Variants in NFIB observed in about 807,000 individuals in gnomAD.
NFIB encodes the protein nuclear factor 1 B-type.
A neutral mutation model predicts 61.5 loss-of-function variants in NFIB; 11 were observed. That is an observed-to-expected ratio of 0.18 (90% confidence interval 0.11 to 0.30). The LOEUF (loss-of-function observed/expected upper bound fraction) is 0.30, where lower values mean the gene tolerates loss of function less well. Among genes scored for constraint, NFIB ranks in the 10% least tolerant of loss-of-function variants. The pLI is 1.00. For synonymous variants in NFIB, 260 were observed against 216.5 expected (o/e 1.20, Z -1.76); for missense variants, 471 against 608.9 (o/e 0.77, Z 2.38).
intron 1 of NFIB, among the ~76,000 whole-genome samples, chr9:14,346,034 C>T (rs2061013395): frequency 6.6e-6 from 1 of 152,142 alleles, no homozygotes. Flanking sequence ...TGGGAGGCCT[C>T]GCCTGTGGGC....
intron 2 of NFIB, among the ~76,000 whole-genome samples, chr9:14,288,985 G>A (rs997675653): frequency 2.0e-5 from 3 of 150,614 alleles, no homozygotes; most frequent in Non-Finnish European, 4.4e-5. Context: ...TGATACATAC[G>A]GAATCATATT....
chr9:14,383,819 A>G (rs1412956022), intron 1 of NFIB, among the ~76,000 whole-genome samples: 1 of 152,254 alleles, frequency 6.6e-6, no homozygotes, highest in African/African-American at 2.4e-5. Flanking sequence ...AGGGGAGCCC[A>G]TTACAATTTA....
At chr9:14,466,039 G>A in the NFIB span, among the ~76,000 whole-genome samples, 1 of 152,130 alleles carries the variant, frequency 6.6e-6, no homozygotes, top group Non-Finnish European at 1.5e-5. Flanking sequence ...GTCACCAGCT[G>A]TATTTGTCTC....
intron 3 of NFIB, among the ~76,000 whole-genome samples, chr9:14,167,083 C>CGG (rs71491636): frequency 0.046 from 4,757 of 104,304 alleles, 449 homozygotes; most frequent in East Asian, 0.082. Flanking sequence ...GTGTGTGTGT[C>CGG]GGGGGGGGGG....
chr9:14,322,720 C>A (rs1318237460), intron 1 of NFIB, among the ~76,000 whole-genome samples: 1 of 151,860 alleles, frequency 6.6e-6, no homozygotes, highest in South Asian at 2.1e-4. Context: ...GCCCGGGACC[C>A]GGGAGGCGGG....
the NFIB span, among the ~76,000 whole-genome samples, chr9:14,488,457 G>A: frequency 6.6e-6 from 1 of 152,140 alleles, no homozygotes; most frequent in African/African-American, 2.4e-5. Context: ...GCCTGGGATG[G>A]GCACTACAAA....
intron 2 of NFIB, among the ~76,000 whole-genome samples, chr9:14,214,383 T>TA (rs1439652728): frequency 2.0e-5 from 3 of 152,248 alleles, no homozygotes; most frequent in African/African-American, 7.2e-5. Context: ...TTGAAACTCT[T>TA]AATTTTTGAA....
chr9:14,131,246 G>GA (rs1223417288), intron 6 of NFIB, among the ~76,000 whole-genome samples: 3 of 152,110 alleles, frequency 2.0e-5, no homozygotes, highest in Admixed American at 6.6e-5. Context: ...CACCATGTAA[G>GA]AAAAAAGTTC....
chr9:14,116,802 C>A (rs2038214715), intron 8 of NFIB, among the ~76,000 whole-genome samples: 1 of 152,190 alleles, frequency 6.6e-6, no homozygotes. Context: ...GATGATATCA[C>A]TGAAACAAAG....
chr9:14,442,107 A>G, the NFIB span, among the ~76,000 whole-genome samples: 1 of 152,148 alleles, frequency 6.6e-6, no homozygotes, highest in Non-Finnish European at 1.5e-5. Context: ...TCAGGATCAC[A>G]CAGGCAGAGC....
intron 2 of NFIB, among the ~76,000 whole-genome samples, chr9:14,184,216 T>C (rs1370968269): frequency 6.6e-6 from 1 of 152,216 alleles, no homozygotes; most frequent in African/African-American, 2.4e-5. Flanking sequence ...TTATGTTCTC[T>C]ATATGGACAG....
At chr9:14,100,113 T>C (rs2035513891) in intron 10 of NFIB, among the ~76,000 whole-genome samples, 1 of 152,132 alleles carries the variant, frequency 6.6e-6, no homozygotes, top group African/African-American at 2.4e-5. Context: ...AGATACCTTT[T>C]AAAGAGCTTT....
At chr9:14,397,317 T>C (rs2061696791) in intron 1 of NFIB, among the ~76,000 whole-genome samples, 1 of 152,086 alleles carries the variant, frequency 6.6e-6, no homozygotes, top group Non-Finnish European at 1.5e-5. Flanking sequence ...CAGGTAAATA[T>C]GCAAAGATAA....
chr9:14,387,777 C>T (rs777279586), intron 1 of NFIB, among the ~76,000 whole-genome samples: 3 of 152,110 alleles, frequency 2.0e-5, no homozygotes, highest in East Asian at 1.9e-4. Context: ...GCTTACTCTA[C>T]GACACAGGAT....
At chr9:14,273,683 A>C (rs1243403762) in intron 2 of NFIB, among the ~76,000 whole-genome samples, 2 of 152,210 alleles carry the variant, frequency 1.3e-5, no homozygotes, top group Non-Finnish European at 2.9e-5. Context: ...TGCCAGAAAG[A>C]GGGCTACATA....
chr9:14,326,336 A>C (rs2060751579), intron 1 of NFIB, among the ~76,000 whole-genome samples: 1 of 152,222 alleles, frequency 6.6e-6, no homozygotes, highest in Non-Finnish European at 1.5e-5. Flanking sequence ...AAAAGACTTC[A>C]AGAAATTACA....
intron 4 of NFIB, among the ~76,000 whole-genome samples, chr9:14,150,904 T>C (rs1252071939): frequency 6.6e-6 from 1 of 152,152 alleles, no homozygotes; most frequent in Non-Finnish European, 1.5e-5. Context: ...TATTATGCAT[T>C]GTATGTCTTT....
chr9:14,228,887 T>A (rs1225530415), intron 2 of NFIB, among the ~76,000 whole-genome samples: 2 of 152,220 alleles, frequency 1.3e-5, no homozygotes, highest in Non-Finnish European at 2.9e-5. Flanking sequence ...TGGGGACACA[T>A]AAAAAGATCT....
intron 1 of NFIB, among the ~76,000 whole-genome samples, chr9:14,378,828 C>T (rs1189131767): frequency 1.3e-5 from 2 of 152,164 alleles, no homozygotes; most frequent in African/African-American, 4.8e-5. Flanking sequence ...TGCCCACCCT[C>T]CGGCCCTACA....
Sources: allele counts gnomAD v4.1 joint callset (sites outside exome capture counted in the v4.1 genomes callset), GRCh38; gene constraint gnomAD v4.1.1; transcripts MANE v1.5; gene names NCBI Gene and HGNC (gene_info 2026-07-23, HGNC 2026-07-21).